PCDH15: variants seen among roughly 807,000 people sequenced by gnomAD.
PCDH15 encodes protocadherin related 15.
Under a neutral mutation model 178.5 loss-of-function variants are expected in PCDH15, and 129 were observed. The observed-to-expected ratio is 0.72, with a 90% CI of 0.63 to 0.84. The LOEUF (loss-of-function observed/expected upper bound fraction) is 0.84, where lower values mean the gene tolerates loss of function less well. Among genes scored for constraint, PCDH15 ranks in the 40% least tolerant of loss-of-function variants. PCDH15 has a pLI of 0.00. For missense variants in PCDH15, 2,230 were observed against 2,099.9 expected (o/e 1.06, Z -1.21); for synonymous variants, 800 against 732.0 (o/e 1.09, Z -1.50).
chr10:55,452,538 C>A (rs895591797), intron 2 of PCDH15, among the ~76,000 whole-genome samples: 1 of 152,128 alleles, frequency 6.6e-6, no homozygotes, highest in Admixed American at 6.5e-5. Flanking sequence ...GTGAATAATT[C>A]ATTCTAGCAT....
intron 2 of PCDH15, among the ~76,000 whole-genome samples, chr10:55,491,576 G>A (rs1422701550): frequency 6.6e-6 from 1 of 151,528 alleles, no homozygotes; most frequent in African/African-American, 2.4e-5. Flanking sequence ...AGTTTAGACA[G>A]GGAGAGAGGC....
At chr10:54,372,291 G>A (rs1005013026) in intron 4 of PCDH15, among the ~76,000 whole-genome samples, 15 of 151,668 alleles carry the variant, frequency 9.9e-5, no homozygotes, top group African/African-American at 3.6e-4. Flanking sequence ...ATCAAATAGA[G>A]GATCAAATGC....
chr10:54,023,947 T>C (rs2093006306), intron 18 of PCDH15, among the ~76,000 whole-genome samples: 1 of 151,980 alleles, frequency 6.6e-6, no homozygotes, highest in Non-Finnish European at 1.5e-5. Context: ...TAAAACAGAT[T>C]TGAAACTAAA....
At chr10:55,030,222 G>T (rs1466757909) in intron 2 of PCDH15, among the ~76,000 whole-genome samples, 1 of 152,114 alleles carries the variant, frequency 6.6e-6, no homozygotes, top group East Asian at 1.9e-4. Flanking sequence ...AGTTTGCAAT[G>T]CTGTATTTAC....
In PCDH15 at chr10:54,398,206, C is replaced by T. The variant is rs1467752292; in HGVS notation, c.158-19264G>A. ...AATAAAAATTAATTTTAATGTATTC[C>T]TAAAATTTCAAAATCTTGCTTGTTT... On this transcript the variant is annotated intron_variant, in intron 3 of 37. Coordinates refer to ENST00000644397, the MANE Select transcript of PCDH15 (RefSeq NM_001384140.1). Among the ~76,000 whole-genome samples the T allele has an allele frequency of 7.1e-4, 107 of 150,708 alleles. 1 individual carries two copies. The highest frequency in any genetic ancestry group is 1.9e-4 in the Non-Finnish European group (13 of 67,714).
At chr10:55,378,542 T>G (rs958797048) in intron 2 of PCDH15, among the ~76,000 whole-genome samples, 3 of 152,182 alleles carry the variant, frequency 2.0e-5, no homozygotes, top group African/African-American at 4.8e-5. Context: ...TTTATGGAAC[T>G]ATTTACCTCA....
intron 2 of PCDH15, among the ~76,000 whole-genome samples, chr10:55,546,357 G>A (rs1048404841): frequency 6.6e-6 from 1 of 152,050 alleles, no homozygotes; most frequent in African/African-American, 2.4e-5. Context: ...CTCATTGTAA[G>A]GTTTGATGAA....
chr10:55,301,431 C>T (rs781011845), intron 1 of PCDH15, among the ~76,000 whole-genome samples: 18 of 151,924 alleles, frequency 1.2e-4, no homozygotes, highest in Non-Finnish European at 1.5e-4. Context: ...TGTATTTTTG[C>T]CCCATTTTCT....
At chr10:55,478,012 C>T (rs1840097580) in intron 2 of PCDH15, among the ~76,000 whole-genome samples, 1 of 151,238 alleles carries the variant, frequency 6.6e-6, no homozygotes, top group South Asian at 2.1e-4. Flanking sequence ...CAAATGGAAA[C>T]CAAAAAGTAG....
At chr10:54,941,139 T>C (rs909303025) in intron 2 of PCDH15, among the ~76,000 whole-genome samples, 1 of 152,104 alleles carries the variant, frequency 6.6e-6, no homozygotes, top group Admixed American at 6.6e-5. Context: ...TGGTGCAATA[T>C]TTCAATTACT....
intron 2 of PCDH15, among the ~76,000 whole-genome samples, chr10:55,347,050 C>CA (rs1317358710): frequency 6.6e-6 from 1 of 151,378 alleles, no homozygotes; most frequent in Non-Finnish European, 1.5e-5. Context: ...CCCATCTCTA[C>CA]AAAAAATAAA....
chr10:54,578,743 G>A (rs556648505), intron 2 of PCDH15, among the ~76,000 whole-genome samples: 12 of 152,038 alleles, frequency 7.9e-5, no homozygotes, highest in East Asian at 3.9e-4. Context: ...CACAAAGTTC[G>A]AATGGCATAA....
chr10:54,261,792 T>G (rs1002210111), intron 8 of PCDH15, among the ~76,000 whole-genome samples: 1 of 152,072 alleles, frequency 6.6e-6, no homozygotes, highest in African/African-American at 2.4e-5. Flanking sequence ...CAAAAAAGAT[T>G]TGGAGAATGG....
At chr10:53,892,385 G>A (rs745363212) in intron 26 of PCDH15, among the ~76,000 whole-genome samples, 1 of 152,076 alleles carries the variant, frequency 6.6e-6, no homozygotes, top group African/African-American at 2.4e-5. Flanking sequence ...TCTGGGAAAA[G>A]TAGTCCGATT....
At chr10:54,165,359 T>C (rs2046114052) in intron 13 of PCDH15, among the ~76,000 whole-genome samples, 1 of 152,188 alleles carries the variant, frequency 6.6e-6, no homozygotes, top group African/African-American at 2.4e-5. Context: ...ATTAAATACT[T>C]ATATGAATAA....
intron 3 of PCDH15, among the ~76,000 whole-genome samples, chr10:54,893,815 G>A (rs1954504810): frequency 6.6e-6 from 1 of 151,988 alleles, no homozygotes; most frequent in South Asian, 2.1e-4. Flanking sequence ...AACAAGTGAT[G>A]GAATTAAAGC....
At chr10:54,191,588 C>G (rs932262461) in intron 11 of PCDH15, among the ~76,000 whole-genome samples, 29 of 152,024 alleles carry the variant, frequency 1.9e-4, no homozygotes, top group African/African-American at 6.8e-4. Flanking sequence ...CTTAAATTTT[C>G]TTCTCTAGAG....
At chr10:54,172,252 T>G (rs933652057) in intron 13 of PCDH15, among the ~76,000 whole-genome samples, 2 of 152,026 alleles carry the variant, frequency 1.3e-5, no homozygotes, top group African/African-American at 4.8e-5. Context: ...CTTGTGAAAG[T>G]CCTTTTCCTG....
In PCDH15 at chr10:54,459,332, T is replaced by C. The variant is rs145586544; in HGVS notation, c.157+68480A>G. On this transcript the variant is annotated intron_variant, in intron 3 of 37. Coordinates refer to ENST00000644397, the MANE Select transcript of PCDH15 (RefSeq NM_001384140.1). ...CTCATGTTTATTTCAATATTTAATA[T>C]TATAAATATTTTTATCTTTATTTAG... Among the ~76,000 whole-genome samples, 61 of 152,180 alleles carry C rather than the reference T, an allele frequency of 4.0e-4. 1 individual carries two copies. The East Asian group carries it at 9.8e-3, about 25-fold the overall frequency.
Sources: gnomAD v4.1 joint callset for allele counts (sites outside exome capture counted in the v4.1 genomes callset) on GRCh38, gnomAD v4.1.1 for gene constraint, MANE v1.5 for transcripts, NCBI Gene and HGNC (gene_info 2026-07-23, HGNC 2026-07-21) for gene names.